Variants in TPST2 observed in about 807,000 individuals in gnomAD.
TPST2 encodes the protein tyrosylprotein sulfotransferase 2.
Under a neutral mutation model 27.8 loss-of-function variants are expected in TPST2, and 16 were observed. The ratio of observed to expected loss-of-function variants is 0.58; its 90% CI spans 0.39 to 0.88. TPST2 has a LOEUF of 0.88. TPST2 is among the 40% of genes least tolerant of loss of function. The probability of loss-of-function intolerance (pLI) is 0.00; values close to 1 mark genes in which losing one functional copy is unlikely to be tolerated. For missense variants in TPST2, 464 were observed against 543.1 expected, an observed-to-expected ratio of 0.85 and a Z score of 1.45; for synonymous variants, 229 against 231.7, an observed-to-expected ratio of 0.99 and a Z score of 0.10.
chr22:26,560,576 A>G, intron 1 of TPST2: 1 of 924,346 alleles, frequency 1.1e-6, no homozygotes, highest in Non-Finnish European at 1.8e-6. Context: ...CATCACATGC[A>G]TTTTTTGGGC....
intron 1 of TPST2, among the ~76,000 whole-genome samples, chr22:26,563,331 CT>C (rs369020254): frequency 0.28 from 37,548 of 133,532 alleles, 5,344 homozygotes; most frequent in East Asian, 0.49. Flanking sequence ...CCCTCTTCTT[CT>C]TTTTTTTTTT....
intron 1 of TPST2, among the ~76,000 whole-genome samples, chr22:26,557,922 CT>C (rs1926885644): frequency 6.6e-6 from 1 of 150,640 alleles, no homozygotes; most frequent in African/African-American, 2.4e-5. Context: ...TGGCATGCTC[CT>C]GTAGTCCCAA....
At chr22:26,561,359 A>G (rs947388488) in intron 1 of TPST2, among the ~76,000 whole-genome samples, 2 of 152,226 alleles carry the variant, frequency 1.3e-5, no homozygotes, top group Admixed American at 6.5e-5. Context: ...GGTATTTTCA[A>G]TAGCCGCTAA....
chr22:26,584,579 C>T (rs4822741), intron 1 of TPST2, among the ~76,000 whole-genome samples: 50,765 of 151,862 alleles, frequency 0.33, 8,976 homozygotes, highest in Middle Eastern at 0.43. Context: ...GTGGGATGAT[C>T]GCTTGAGCCC....
At chr22:26,545,129 A>G (rs1926050395) in intron 1 of TPST2, among the ~76,000 whole-genome samples, 1 of 152,238 alleles carries the variant, frequency 6.6e-6, no homozygotes, top group Admixed American at 6.5e-5. Context: ...CCACAGGCCC[A>G]GCCTACAAGG....
rs1924799336 is a variant in TPST2, at chr22:26,525,822, T to C, written c.*453A>G. The C allele has an allele frequency of 6.6e-6, 1 of 152,566 alleles. No homozygotes were observed. The highest frequency in any genetic ancestry group is 2.4e-5 in the African/African-American group (1 of 41,460). 9.5% of individuals were successfully genotyped at this position (152,566 alleles called of 1,614,324 possible). ...AGAGTATTTTTTTCCTCTGTGAAAC[T>C]AGGTAGAACTGAGGAGGAATCAAAG... On this transcript the variant is annotated 3_prime_UTR_variant, in exon 7 of 7. Coordinates refer to ENST00000338754, the MANE Select transcript of TPST2 (RefSeq NM_003595.5).
At position 26,581,212 on chromosome 22, in the gene TPST2, C is replaced by T. The variant is rs1247391261; in HGVS notation, c.-161+8841G>A. On this transcript the variant is annotated intron_variant, in intron 1 of 6. Coordinates refer to ENST00000338754, the MANE Select transcript of TPST2 (RefSeq NM_003595.5). ...AGCTAACTCCTACTGGCATCATTTG[C>T]ACCCCTTCCTCCAGGAAGTCTTCCC... Among the ~76,000 whole-genome samples, 4 of 152,132 alleles carry T rather than the reference C, an allele frequency of 2.6e-5. No homozygotes were observed. In the East Asian group the frequency reaches 7.7e-4, roughly 29 times the overall value.
chr22:26,589,268 C>A (rs767289444), intron 1 of TPST2, among the ~76,000 whole-genome samples: 18 of 152,120 alleles, frequency 1.2e-4, no homozygotes, highest in Non-Finnish European at 1.6e-4. Context: ...ATGGTTCCTT[C>A]CCTAGGGAAC....
chr22:26,576,608 T>C (rs143086313), intron 1 of TPST2, among the ~76,000 whole-genome samples: 1 of 152,174 alleles, frequency 6.6e-6, no homozygotes, highest in Non-Finnish European at 1.5e-5. Context: ...AGGAATTCAC[T>C]GTGAACAGAA....
At chr22:26,538,292 A>C (rs1260512783) in intron 3 of TPST2, among the ~76,000 whole-genome samples, 1 of 152,222 alleles carries the variant, frequency 6.6e-6, no homozygotes, top group Non-Finnish European at 1.5e-5. Context: ...ACCTGGATTT[A>C]AATCTTAACT....
At position 26,541,458 on chromosome 22, in the gene TPST2, T is replaced by C. The variant is rs930586706; in HGVS notation, c.173A>G (p.Asn58Ser). ...CTTGCCATAGCGGTATTCCACGTGG[T>C]TGGTGCCCACCATCACCAGCTCCTC... ...EQEELVMVGT[N>S]HVEYRYGKAM... Residue 58 changes from asparagine (N) to serine (S), a missense_variant, in exon 3 of 7, where the codon AAC becomes AGC. Transcript: ENST00000338754. The surrounding 1 kb of genome is among the most constrained non-coding windows in gnomAD (Gnocchi z 5.9). 1 of 1,608,224 alleles carries C rather than the reference T, an allele frequency of 6.2e-7. No homozygotes were observed. Among genetic ancestry groups the C allele is most frequent in the African/African-American group, 1.3e-5 (1 of 74,894 alleles).
Position 26,544,674 on chromosome 22 carries a change from C to A in TPST2, c.-159G>T, listed in dbSNP as rs1926025763. ...GTGCCAAGGCTGTCTGCTGGCAGAG[C>A]CCTGGAGAGGCAAAGGAGATATTGC... is the stretch of plus-strand genomic sequence containing the variant. On this transcript the variant is annotated splice_region_variant and 5_prime_UTR_variant, in exon 2 of 7. Transcript: ENST00000338754. The A allele has an allele frequency of 1.0e-6, 1 of 985,952 alleles. No individual in the cohort carries two copies. Among genetic ancestry groups the A allele is most frequent in the Non-Finnish European group, 1.2e-6 (1 of 830,018 alleles). The allele number at this position is 985,952 out of a possible 1,614,324, so 61.1% of individuals were successfully genotyped here.
intron 1 of TPST2, among the ~76,000 whole-genome samples, chr22:26,557,012 A>C (rs1053628010): frequency 2.0e-5 from 3 of 152,262 alleles, no homozygotes; most frequent in Non-Finnish European, 2.9e-5. Flanking sequence ...TGAGCCCAGG[A>C]ATTTGAGACC....
Position 26,536,459 on chromosome 22 carries a change from G to A in TPST2, c.870C>T (p.Ile290=). The A allele has an allele frequency of 6.5e-7, 1 of 1,548,478 alleles. No homozygotes were observed. Among genetic ancestry groups the A allele is most frequent in the Non-Finnish European group, 8.7e-7 (1 of 1,146,650 alleles). ...AGAGCGCTTCCAGGTTAACAGGCTT[G>A]ATGACCTGGTCCGTGGACCGCTCGA... ...SKIERSTDQV[I]KPVNLEALSK... is the part of the protein sequence containing the mutation. The change falls in exon 4 of 7, where the codon ATC becomes ATT. Residue 290 remains isoleucine (I), a synonymous_variant. Transcript: ENST00000338754.
At chr22:26,546,067 A>C (rs1288118949) in intron 1 of TPST2, among the ~76,000 whole-genome samples, 2 of 148,156 alleles carry the variant, frequency 1.3e-5, no homozygotes, top group Admixed American at 1.4e-4. Context: ...ACAGAGCAAG[A>C]CCACGTCTCA....
chr22:26,561,044 G>A, intron 1 of TPST2: 1 of 1,595,914 alleles, frequency 6.3e-7, no homozygotes, highest in Non-Finnish European at 8.5e-7. Flanking sequence ...CAGCAAAAAA[G>A]GGAGTTGTCA....
chr22:26,559,766 C>T (rs1926987084), intron 1 of TPST2, among the ~76,000 whole-genome samples: 1 of 152,178 alleles, frequency 6.6e-6, no homozygotes, highest in South Asian at 2.1e-4. Flanking sequence ...TGATCATCCC[C>T]TGCTGCCTAG....
rs1924765400 is a variant in TPST2 at position 26,525,288 on chromosome 22, T to C, written c.*987A>G. The C allele has an allele frequency of 6.6e-6, 1 of 152,316 alleles. No individual in the cohort carries two copies. Among genetic ancestry groups the C allele is most frequent in the Non-Finnish European group, 1.5e-5 (1 of 68,148 alleles). 9.4% of individuals were successfully genotyped at this position (152,316 alleles called of 1,614,324 possible). On this transcript the variant is annotated 3_prime_UTR_variant, in exon 7 of 7. Coordinates refer to ENST00000338754, the MANE Select transcript of TPST2 (RefSeq NM_003595.5). ...CTCTGTCACCCAGGCTGGAGTATAATGGCACGATCTCCGCTCACTGCAACC... is the reference window on the plus strand; with the variant it reads ...CTCTGTCACCCAGGCTGGAGTATAACGGCACGATCTCCGCTCACTGCAACC...
At chr22:26,552,921 A>G (rs3788405) in intron 1 of TPST2, among the ~76,000 whole-genome samples, 92,067 of 151,596 alleles carry the variant, frequency 0.61, 28,274 homozygotes, top group Non-Finnish European at 0.62. Context: ...TTAGCCGCGC[A>G]TGGTGGCGGG....
Sources: allele counts gnomAD v4.1 joint callset (sites outside exome capture counted in the v4.1 genomes callset), GRCh38; gene constraint gnomAD v4.1.1; non-coding constraint Gnocchi (gnomAD v3.1); transcripts MANE v1.5; gene names NCBI Gene and HGNC (gene_info 2026-07-23, HGNC 2026-07-21).